The following TLCD4 variants were observed in gnomAD, a reference collection of about 807,000 sequenced individuals.
TLCD4 encodes the protein TLC domain containing 4, also known as TLC domain-containing protein 4.
A neutral mutation model predicts 24.2 loss-of-function variants in TLCD4; 7 were observed. The ratio of observed to expected loss-of-function variants is 0.29; its 90% CI spans 0.16 to 0.54. The LOEUF is 0.54. Among genes scored for constraint, TLCD4 ranks in the 20% least tolerant of loss-of-function variants. The probability of loss-of-function intolerance (pLI) is 0.95; values close to 1 mark genes in which losing one functional copy is unlikely to be tolerated. For synonymous variants in TLCD4, 103 were observed against 106.4 expected (o/e 0.97, Z 0.20); for missense variants, 259 against 313.9 (o/e 0.82, Z 1.32).
chr1:95,166,307 G>A (rs1196704259), intron 5 of TLCD4, among the ~76,000 whole-genome samples: 1 of 152,130 alleles, frequency 6.6e-6, no homozygotes, highest in Non-Finnish European at 1.5e-5. Context: ...TGAACATAAA[G>A]TCATCATGAA....
chr1:95,098,487 A>G, the TLCD4 span, among the ~76,000 whole-genome samples: 3 of 152,174 alleles, frequency 2.0e-5, no homozygotes, highest in African/African-American at 7.2e-5. Flanking sequence ...TCCTGGGGAC[A>G]TGCCCAGCTC....
chr1:95,188,203 C>G (rs1238986271), intron 6 of TLCD4, among the ~76,000 whole-genome samples: 2 of 151,840 alleles, frequency 1.3e-5, no homozygotes, highest in Non-Finnish European at 2.9e-5. Context: ...CTGGCTAACA[C>G]GGTGAAACCC....
chr1:95,105,893 T>TCAAAAAA, the TLCD4 span, among the ~76,000 whole-genome samples: 24 of 102,866 alleles, frequency 2.3e-4, 1 homozygote, highest in African/African-American at 3.2e-4. Flanking sequence ...AGACTCCGTC[T>TCAAAAAA]TAAAAAAAAA....
chr1:95,168,553 GCTTTT>G (rs1345547027), intron 5 of TLCD4, among the ~76,000 whole-genome samples: 1 of 104,028 alleles, frequency 9.6e-6, no homozygotes, highest in Non-Finnish European at 1.9e-5. Flanking sequence ...ATGTGAGTGA[GCTTTT>G]TTTTTTTTTT....
At chr1:95,113,068 A>G (rs1488405977), upstream of TLCD4, among the ~76,000 whole-genome samples, 6 of 145,110 alleles carry the variant, frequency 4.1e-5, no homozygotes, top group Non-Finnish European at 9.0e-5. Flanking sequence ...TTTGAGACAG[A>G]GTCTTGCTCT....
the TLCD4 span, among the ~76,000 whole-genome samples, chr1:95,102,355 A>G: frequency 1.3e-5 from 2 of 152,172 alleles, no homozygotes; most frequent in East Asian, 3.9e-4. Context: ...AAGTAAGTAA[A>G]TGAAAAATAC....
At chr1:95,132,120 G>A (rs1157082605) in intron 1 of TLCD4, among the ~76,000 whole-genome samples, 2 of 152,170 alleles carry the variant, frequency 1.3e-5, no homozygotes, top group Non-Finnish European at 2.9e-5. Flanking sequence ...TTCTCAACTT[G>A]CAGAATTGTG....
intron 1 of TLCD4, among the ~76,000 whole-genome samples, chr1:95,133,622 G>T (rs1676963054): frequency 1.3e-5 from 2 of 152,100 alleles, no homozygotes; most frequent in Admixed American, 6.6e-5. Context: ...TAGGATGGGG[G>T]TCATCTGCTG....
intron 1 of TLCD4, among the ~76,000 whole-genome samples, chr1:95,137,249 T>A (rs1307516396): frequency 6.6e-6 from 1 of 151,726 alleles, no homozygotes; most frequent in Non-Finnish European, 1.5e-5. Context: ...ATATTTGGAG[T>A]CAATGTGGGA....
chr1:95,145,604 G>A (rs992037668), intron 2 of TLCD4, among the ~76,000 whole-genome samples: 12 of 152,166 alleles, frequency 7.9e-5, no homozygotes, highest in Admixed American at 6.5e-4. Flanking sequence ...TCTAACATAT[G>A]AAGATAGATG....
At chr1:95,092,940 T>C in the TLCD4 span, among the ~76,000 whole-genome samples, 2 of 152,186 alleles carry the variant, frequency 1.3e-5, no homozygotes, top group African/African-American at 4.8e-5. Flanking sequence ...GGTTTCCCCA[T>C]GTTGGACAGG....
chr1:95,142,291 CTTTTT>C (rs33917874), intron 1 of TLCD4, among the ~76,000 whole-genome samples: 3 of 116,786 alleles, frequency 2.6e-5, no homozygotes, highest in East Asian at 2.4e-4. Flanking sequence ...TTATAAAAAT[CTTTTT>C]TTTTTTTTTT....
At chr1:95,100,151 T>C in the TLCD4 span, among the ~76,000 whole-genome samples, 18 of 151,578 alleles carry the variant, frequency 1.2e-4, no homozygotes, top group South Asian at 3.8e-3. Flanking sequence ...ATAAAGAAAT[T>C]CACAAACGTA....
intron 1 of TLCD4, among the ~76,000 whole-genome samples, chr1:95,129,508 A>G (rs964972744): frequency 2.0e-5 from 3 of 152,136 alleles, no homozygotes; most frequent in African/African-American, 7.2e-5. Context: ...TTGGGAGGCC[A>G]AGGCCAGTGG....
chr1:95,139,174 C>CAAAAAAAAAAAAAAAAAA (rs71097248), intron 1 of TLCD4, among the ~76,000 whole-genome samples: 1 of 76,814 alleles, frequency 1.3e-5, no homozygotes. Context: ...GAACCTGTGT[C>CAAAAAAAAAAAAAAAAAA]AAAAAAAAAA....
chr1:95,180,993 A>T (rs1033379130), intron 6 of TLCD4, among the ~76,000 whole-genome samples: 1 of 152,196 alleles, frequency 6.6e-6, no homozygotes, highest in Admixed American at 6.5e-5. Flanking sequence ...ACTACTCGGG[A>T]TGCTGAGGCA....
chr1:95,143,521 T>G (rs1677262651), intron 1 of TLCD4, among the ~76,000 whole-genome samples: 1 of 152,164 alleles, frequency 6.6e-6, no homozygotes, highest in African/African-American at 2.4e-5. Context: ...GATGAGAAAT[T>G]GAGGGATAAA....
rs564986700 is a variant in TLCD4, at chr1:95,165,504, C to T, written c.400-8312C>T. On this transcript the variant is annotated intron_variant, in intron 5 of 6. Transcript: ENST00000370203. ...TTTTCAGACAAAGTCTCGCTCTTGT[C>T]CCCCAGGGTGGAGTGCAATGGCGTG... Among the ~76,000 whole-genome samples the T allele has an allele frequency of 2.7e-5, 4 of 148,068 alleles. No homozygotes were observed. In the South Asian group the frequency reaches 6.5e-4, roughly 24 times the overall value.
chr1:95,095,985 G>A, the TLCD4 span, among the ~76,000 whole-genome samples: 1 of 152,218 alleles, frequency 6.6e-6, no homozygotes, highest in South Asian at 2.1e-4. Flanking sequence ...ATTAAGTTTA[G>A]AGAGGAAGGC....
Sources: allele counts gnomAD v4.1 joint callset (sites outside exome capture counted in the v4.1 genomes callset), GRCh38; gene constraint gnomAD v4.1.1; transcripts MANE v1.5; gene names NCBI Gene and HGNC (gene_info 2026-07-23, HGNC 2026-07-21).